RNF220: variants seen among roughly 807,000 people sequenced by gnomAD.
The protein encoded by RNF220 is ring finger protein 220, also known as E3 ubiquitin-protein ligase RNF220.
In RNF220, 7 loss-of-function variants were observed where a neutral mutation model predicts 67.1. The ratio of observed to expected loss-of-function variants is 0.10; its 90% CI spans 0.06 to 0.20. The LOEUF (loss-of-function observed/expected upper bound fraction) is 0.20, where lower values mean the gene tolerates loss of function less well. Ranked by LOEUF, RNF220 falls within the 10% of genes least tolerant of loss-of-function variation. The pLI, the probability that RNF220 is intolerant of heterozygous loss-of-function variation, is 1.00. For missense variants in RNF220, 565 were observed against 740.3 expected, an observed-to-expected ratio of 0.76 and a Z score of 2.75; for synonymous variants, 270 against 283.2, an observed-to-expected ratio of 0.95 and a Z score of 0.47.
intron 2 of RNF220, among the ~76,000 whole-genome samples, chr1:44,422,572 A>G (rs1187940532): frequency 6.6e-6 from 1 of 152,124 alleles, no homozygotes; most frequent in Non-Finnish European, 1.5e-5. Flanking sequence ...TTTCTTCTTT[A>G]TTTAAAGTGA....
chr1:44,487,525 T>C (rs1656418781), intron 2 of RNF220, among the ~76,000 whole-genome samples: 1 of 150,792 alleles, frequency 6.6e-6, no homozygotes, highest in African/African-American at 2.4e-5. Flanking sequence ...CATCCTTGTT[T>C]GTTTGAGTTA....
At chr1:44,528,514 A>G (rs527671321) in intron 2 of RNF220, among the ~76,000 whole-genome samples, 16 of 150,582 alleles carry the variant, frequency 1.1e-4, no homozygotes, top group African/African-American at 3.9e-4. Context: ...GTTAGCCAGG[A>G]TGGTCTCAAT....
intron 2 of RNF220, among the ~76,000 whole-genome samples, chr1:44,609,299 G>C (rs941637995): frequency 6.6e-6 from 1 of 152,160 alleles, no homozygotes; most frequent in Middle Eastern, 3.4e-3. Context: ...GACACCAGTC[G>C]ATCAAGCCAT....
intron 6 of RNF220, 91 bp downstream of exon 6, chr1:44,632,476 T>G: frequency 8.4e-7 from 1 of 1,183,486 alleles, no homozygotes; most frequent in Non-Finnish European, 1.2e-6. Flanking sequence ...CCTGGGTCTC[T>G]TCGACTCTGG....
At chr1:44,504,199 C>T (rs1658205760) in intron 2 of RNF220, among the ~76,000 whole-genome samples, 1 of 152,198 alleles carries the variant, frequency 6.6e-6, no homozygotes, top group South Asian at 2.1e-4. Flanking sequence ...CCGTAAAGTT[C>T]TAGGTATGCT....
At position 44,568,092 on chromosome 1, in the gene RNF220, CTCT is replaced by C. The variant is rs372986654; in HGVS notation, c.626-46067_626-46065del. On this transcript the variant is annotated intron_variant, in intron 2 of 14. Coordinates refer to ENST00000361799, the MANE Select transcript of RNF220 (RefSeq NM_018150.4). The stretch of plus-strand genomic sequence containing the variant: ...GGAATTCTGGTTCCTCCTAGAGTCC[CTCT>C]TCTTCAATCTCCACATCCAACTAGA... Among the ~76,000 whole-genome samples, 100 of 152,330 alleles carry C rather than the reference CTCT, an allele frequency of 6.6e-4. 1 individual carries two copies. In the East Asian group the frequency reaches 0.011, roughly 17 times the overall value.
At chr1:44,563,696 T>C (rs1663766451) in intron 2 of RNF220, among the ~76,000 whole-genome samples, 1 of 152,224 alleles carries the variant, frequency 6.6e-6, no homozygotes, top group Non-Finnish European at 1.5e-5. Flanking sequence ...TGTTTCACCA[T>C]CTACAAAATA....
At chr1:44,429,138 C>T (rs535795293) in intron 2 of RNF220, among the ~76,000 whole-genome samples, 2 of 151,514 alleles carry the variant, frequency 1.3e-5, no homozygotes, top group Admixed American at 6.6e-5. Context: ...TTTCCTTCCA[C>T]CTCTACTTTT....
At chr1:44,428,804 A>G (rs1212771474) in intron 2 of RNF220, among the ~76,000 whole-genome samples, 4 of 151,894 alleles carry the variant, frequency 2.6e-5, no homozygotes, top group African/African-American at 9.7e-5. Context: ...CTTAGCCCTA[A>G]GTGGTTTATT....
At chr1:44,486,320 A>G (rs553839087) in intron 2 of RNF220, among the ~76,000 whole-genome samples, 58 of 152,350 alleles carry the variant, frequency 3.8e-4, no homozygotes, top group Non-Finnish European at 4.7e-4. Context: ...AGGCTCCAGC[A>G]GGGGCCAGAG....
chr1:44,647,194 G>C (rs964252754), intron 12 of RNF220, among the ~76,000 whole-genome samples: 1 of 152,176 alleles, frequency 6.6e-6, no homozygotes, highest in Non-Finnish European at 1.5e-5. Flanking sequence ...CTGATTTGGG[G>C]TTTGGGAGTT....
At chr1:44,560,020 G>A (rs1663439853) in intron 2 of RNF220, among the ~76,000 whole-genome samples, 2 of 152,182 alleles carry the variant, frequency 1.3e-5, no homozygotes, top group African/African-American at 4.8e-5. Flanking sequence ...CCGGCTCTCT[G>A]GCTTCTGTCC....
At chr1:44,407,919 C>T (rs970624064) in intron 1 of RNF220, among the ~76,000 whole-genome samples, 3 of 152,156 alleles carry the variant, frequency 2.0e-5, no homozygotes, top group African/African-American at 7.2e-5. Context: ...AGCCCCTGCC[C>T]CGCGGGCCCC....
chr1:44,481,961 A>G (rs1443764014), intron 2 of RNF220, among the ~76,000 whole-genome samples: 1 of 152,236 alleles, frequency 6.6e-6, no homozygotes, highest in Admixed American at 6.5e-5. Flanking sequence ...CAAGGAGCAG[A>G]TGAAGTTAAT....
At chr1:44,615,487 G>A (rs1283300842) in intron 3 of RNF220, among the ~76,000 whole-genome samples, 1 of 152,188 alleles carries the variant, frequency 6.6e-6, no homozygotes, top group East Asian at 1.9e-4. Flanking sequence ...CTCCCAGTCC[G>A]ACCCTTATTC....
chr1:44,535,243 C>T (rs1405974098), intron 2 of RNF220, among the ~76,000 whole-genome samples: 1 of 150,124 alleles, frequency 6.7e-6, no homozygotes, highest in African/African-American at 2.5e-5. Flanking sequence ...CTGGGTTCAG[C>T]GATTCTCCTG....
chr1:44,611,085 A>G (rs1340473893), intron 2 of RNF220, among the ~76,000 whole-genome samples: 2 of 152,162 alleles, frequency 1.3e-5, no homozygotes, highest in African/African-American at 2.4e-5. Flanking sequence ...ACAGGTCTCA[A>G]TATAAAATTA....
intron 2 of RNF220, among the ~76,000 whole-genome samples, chr1:44,498,265 G>A (rs1657524048): frequency 1.3e-5 from 2 of 152,126 alleles, no homozygotes; most frequent in Non-Finnish European, 2.9e-5. Flanking sequence ...ACATGCTCTT[G>A]ATAATACCGT....
chr1:44,583,443 G>C (rs1197648771), intron 2 of RNF220, among the ~76,000 whole-genome samples: 1 of 152,180 alleles, frequency 6.6e-6, no homozygotes, highest in Non-Finnish European at 1.5e-5. Context: ...ACAGATACTA[G>C]AAATCTGTGC....
Sources: allele counts gnomAD v4.1 joint callset (sites outside exome capture counted in the v4.1 genomes callset), GRCh38; gene constraint gnomAD v4.1.1; transcripts MANE v1.5; gene names NCBI Gene and HGNC (gene_info 2026-07-23, HGNC 2026-07-21).